The following ELOVL6 variants were observed in gnomAD, a reference collection of about 807,000 sequenced individuals.
The protein encoded by ELOVL6 is very long chain fatty acid elongase 6.
ELOVL6 carries 8 observed loss-of-function variants against 31.7 expected under a neutral mutation model. That is an observed-to-expected ratio of 0.25 (90% CI 0.15 to 0.45). The LOEUF (loss-of-function observed/expected upper bound fraction) is 0.45. ELOVL6 is among the 20% of genes least tolerant of loss of function. ELOVL6 has a pLI of 1.00. For synonymous variants in ELOVL6, 101 were observed against 117.7 expected (o/e 0.86, Z 0.92); for missense variants, 126 against 326.4 (o/e 0.39, Z 4.73).
chr4:110,084,448 G>GCACATAT (rs1756147205), intron 2 of ELOVL6, among the ~76,000 whole-genome samples: 1 of 32,088 alleles, frequency 3.1e-5, no homozygotes. Flanking sequence ...ATGATATATC[G>GCACATAT]CATATATCAT....
intron 1 of ELOVL6, among the ~76,000 whole-genome samples, chr4:110,136,516 C>CCTT (rs1757814147): frequency 1.3e-5 from 2 of 152,194 alleles, no homozygotes; most frequent in Admixed American, 6.5e-5. Flanking sequence ...GAGCAATCAG[C>CCTT]ACTTCCTTAC....
chr4:110,140,615 C>G (rs943424242), intron 1 of ELOVL6, among the ~76,000 whole-genome samples: 1 of 151,744 alleles, frequency 6.6e-6, no homozygotes, highest in East Asian at 1.9e-4. Flanking sequence ...CAATTGTAAC[C>G]AAGAGATAAT....
chr4:110,067,248 C>T (rs1424376260), intron 2 of ELOVL6, among the ~76,000 whole-genome samples: 1 of 152,124 alleles, frequency 6.6e-6, no homozygotes, highest in Non-Finnish European at 1.5e-5. Flanking sequence ...ATTTATCTTG[C>T]TTGAAATCTT....
At chr4:110,146,203 G>A (rs577869881) in intron 1 of ELOVL6, among the ~76,000 whole-genome samples, 1 of 152,108 alleles carries the variant, frequency 6.6e-6, no homozygotes, top group Non-Finnish European at 1.5e-5. Context: ...ACAGCCAACT[G>A]ATTTTTGGCA....
At chr4:110,176,955 G>A (rs559465407) in intron 1 of ELOVL6, among the ~76,000 whole-genome samples, 15 of 152,228 alleles carry the variant, frequency 9.9e-5, no homozygotes, top group South Asian at 8.3e-4. Flanking sequence ...GACTGGTCTC[G>A]AACTCCTGAC....
chr4:110,174,777 A>C (rs895888225), intron 1 of ELOVL6, among the ~76,000 whole-genome samples: 1 of 152,158 alleles, frequency 6.6e-6, no homozygotes, highest in Non-Finnish European at 1.5e-5. Flanking sequence ...ACCTTTACCT[A>C]CATTTTTACT....
At chr4:110,083,959 A>C (rs372719759) in intron 2 of ELOVL6, among the ~76,000 whole-genome samples, 3,242 of 109,868 alleles carry the variant, frequency 0.03, 311 homozygotes, top group Non-Finnish European at 0.041. Context: ...GTTATATATG[A>C]TATATATGAT....
chr4:110,071,219 TC>T (rs1161556009), intron 2 of ELOVL6, among the ~76,000 whole-genome samples: 1 of 152,212 alleles, frequency 6.6e-6, no homozygotes, highest in East Asian at 1.9e-4. Context: ...AACCTAAAGA[TC>T]CATTCCATCT....
intron 2 of ELOVL6, among the ~76,000 whole-genome samples, chr4:110,084,586 ATATTTTT>A (rs1215557401): frequency 2.0e-4 from 8 of 39,604 alleles, no homozygotes; most frequent in African/African-American, 1.4e-3. Flanking sequence ...ATATATATAT[ATATTTTT>A]TTTTTTTTTT....
chr4:110,087,576 T>C (rs2126237689), intron 2 of ELOVL6, among the ~76,000 whole-genome samples: 1 of 152,256 alleles, frequency 6.6e-6, no homozygotes, highest in South Asian at 2.1e-4. Flanking sequence ...TCCAGAAGGT[T>C]TCCAAGCCCA....
intron 2 of ELOVL6, among the ~76,000 whole-genome samples, chr4:110,084,407 TG>T (rs1560815242): frequency 2.0e-5 from 2 of 97,588 alleles, no homozygotes; most frequent in South Asian, 3.3e-4. Context: ...ATATGATATA[TG>T]ACATACATGA....
chr4:110,180,322 G>A (rs1191176102), intron 1 of ELOVL6, among the ~76,000 whole-genome samples: 1 of 152,154 alleles, frequency 6.6e-6, no homozygotes, highest in African/African-American at 2.4e-5. Context: ...ATTAACATTT[G>A]CTGGATTTAA....
chr4:110,096,178 A>T (rs1180684101), intron 2 of ELOVL6, among the ~76,000 whole-genome samples: 1 of 152,210 alleles, frequency 6.6e-6, no homozygotes, highest in Non-Finnish European at 1.5e-5. Context: ...TTTATTTATC[A>T]TCCAAATTGG....
At chr4:110,145,111 G>A (rs1758070611) in intron 1 of ELOVL6, among the ~76,000 whole-genome samples, 1 of 151,878 alleles carries the variant, frequency 6.6e-6, no homozygotes, top group Admixed American at 6.6e-5. Flanking sequence ...TCTGATCAGA[G>A]GAGCAGACAA....
rs1304294126 is a variant in ELOVL6, at chr4:110,084,398, TATG to T, written c.221+21096_221+21098del. Among the ~76,000 whole-genome samples, 3 of 96,540 alleles carry T rather than the reference TATG, an allele frequency of 3.1e-5. 1 individual carries two copies. The highest frequency in any genetic ancestry group is 6.5e-5 in the Non-Finnish European group (3 of 46,456). 63.3% of individuals were successfully genotyped at this position (96,540 alleles called of 152,430 possible). ...TATGATATATATCGCATATATGATA[TATG>T]ATATATGACATACATGATATATCAC... On this transcript the variant is annotated intron_variant, in intron 2 of 3. Coordinates refer to ENST00000302274, the MANE Select transcript of ELOVL6 (RefSeq NM_024090.3).
chr4:110,076,267 T>C (rs1162488676), intron 2 of ELOVL6, among the ~76,000 whole-genome samples: 1 of 152,216 alleles, frequency 6.6e-6, no homozygotes, highest in Non-Finnish European at 1.5e-5. Context: ...GTGCAAGTGT[T>C]CTTCAGACAA....
chr4:110,198,138 C>T, intron 1 of ELOVL6, 109 bp downstream of exon 1: 1 of 610,860 alleles, frequency 1.6e-6, no homozygotes, highest in South Asian at 1.4e-5. Context: ...AGCTGGCTGC[C>T]CGCGATTCAT....
intron 2 of ELOVL6, among the ~76,000 whole-genome samples, chr4:110,080,657 A>T (rs998754675): frequency 6.6e-6 from 1 of 152,208 alleles, no homozygotes; most frequent in East Asian, 1.9e-4. Flanking sequence ...CAAAAACTGT[A>T]AGCATTCCCT....
At chr4:110,054,176 T>C (rs143273254) in intron 3 of ELOVL6, among the ~76,000 whole-genome samples, 33 of 152,326 alleles carry the variant, frequency 2.2e-4, no homozygotes, top group African/African-American at 7.5e-4. Flanking sequence ...GTCAAATTTT[T>C]GTTGAAGTCA....
Sources: allele counts gnomAD v4.1 joint callset (sites outside exome capture counted in the v4.1 genomes callset), GRCh38; gene constraint gnomAD v4.1.1; transcripts MANE v1.5; gene names NCBI Gene and HGNC (gene_info 2026-07-23, HGNC 2026-07-21).